ITGB3BP: variants seen among roughly 807,000 people sequenced by gnomAD.
ITGB3BP encodes centromere protein R.
ITGB3BP carries 27 observed loss-of-function variants against 29.1 expected under a neutral mutation model. That is an observed-to-expected ratio of 0.93 (90% CI 0.68 to 1.28). The LOEUF (loss-of-function observed/expected upper bound fraction) is 1.28, where lower values mean the gene tolerates loss of function less well. ITGB3BP is among the 50% of genes most tolerant of loss of function. ITGB3BP has a pLI of 0.00. For synonymous variants in ITGB3BP, 61 were observed against 61.4 expected (o/e 0.99, Z 0.03); for missense variants, 192 against 200.2 (o/e 0.96, Z 0.25).
At chr1:63,485,380 C>T (rs1645507375) in intron 3 of ITGB3BP, among the ~76,000 whole-genome samples, 1 of 151,842 alleles carries the variant, frequency 6.6e-6, no homozygotes, top group African/African-American at 2.4e-5. Flanking sequence ...TTATCTGTTG[C>T]CTCCTCACCT....
intron 4 of ITGB3BP, chr1:63,457,503 G>A (rs1431256278): frequency 6.6e-6 from 1 of 152,010 alleles, no homozygotes; most frequent in African/African-American, 2.4e-5. Context: ...ATATCATCTT[G>A]ATGTTCCTTT....
intron 3 of ITGB3BP, among the ~76,000 whole-genome samples, chr1:63,480,836 T>A (rs1293828122): frequency 1.3e-5 from 2 of 152,058 alleles, no homozygotes; most frequent in Admixed American, 1.3e-4. Context: ...TAGTAAAGAA[T>A]GTAAGGGGAA....
At chr1:63,527,270 A>G (rs1335336136), upstream of ITGB3BP, among the ~76,000 whole-genome samples, 1 of 152,204 alleles carries the variant, frequency 6.6e-6, no homozygotes, top group Non-Finnish European at 1.5e-5. Flanking sequence ...CTGGGAGGAT[A>G]ACTATACAGT....
chr1:63,504,940 G>A (rs1364020852), intron 2 of ITGB3BP, among the ~76,000 whole-genome samples: 12 of 152,038 alleles, frequency 7.9e-5, no homozygotes, highest in East Asian at 3.9e-4. Context: ...TTTTTGCATC[G>A]ATGTTCATCA....
chr1:63,490,553 A>G (rs1021616805), intron 2 of ITGB3BP, among the ~76,000 whole-genome samples: 4 of 152,180 alleles, frequency 2.6e-5, no homozygotes, highest in African/African-American at 9.6e-5. Flanking sequence ...AACTTGAAGT[A>G]TAATTATGGG....
At chr1:63,519,544 T>G (rs1646404765) in intron 1 of ITGB3BP, among the ~76,000 whole-genome samples, 1 of 152,038 alleles carries the variant, frequency 6.6e-6, no homozygotes, top group Non-Finnish European at 1.5e-5. Flanking sequence ...GCATTTAAAT[T>G]TCATATTTTT....
chr1:63,504,163 T>C (rs1161112728), intron 2 of ITGB3BP, among the ~76,000 whole-genome samples: 1 of 151,892 alleles, frequency 6.6e-6, no homozygotes, highest in Admixed American at 6.6e-5. Flanking sequence ...TGTTCTTCCA[T>C]TTCTTTGTAT....
chr1:63,522,947 T>C (rs779167997), intron 1 of ITGB3BP, 182 bp downstream of exon 1: 6 of 790,786 alleles, frequency 7.6e-6, no homozygotes, highest in South Asian at 1.3e-5. Context: ...GACTATCGTA[T>C]GAGTACCGCT....
intron 2 of ITGB3BP, among the ~76,000 whole-genome samples, chr1:63,491,794 A>C (rs1304401358): frequency 6.6e-6 from 1 of 152,068 alleles, no homozygotes; most frequent in Admixed American, 6.6e-5. Context: ...ATATCTTTTA[A>C]AAAATCAAAC....
intron 2 of ITGB3BP, among the ~76,000 whole-genome samples, chr1:63,501,697 A>T (rs1645934177): frequency 6.6e-6 from 1 of 152,002 alleles, no homozygotes; most frequent in Admixed American, 6.6e-5. Flanking sequence ...ACTAAAAAAA[A>T]AATAGATACA....
chr1:63,510,750 T>C (rs765761545), intron 1 of ITGB3BP, among the ~76,000 whole-genome samples: 5 of 151,994 alleles, frequency 3.3e-5, no homozygotes, highest in Non-Finnish European at 5.9e-5. Context: ...TAAATCTTTA[T>C]GGAATTGAGG....
chr1:63,516,349 G>GGGAAA (rs1553167564), intron 1 of ITGB3BP, among the ~76,000 whole-genome samples: 1 of 84,150 alleles, frequency 1.2e-5, no homozygotes, highest in Non-Finnish European at 2.4e-5. Flanking sequence ...AAGCGGAGCG[G>GGGAAA]GGGAAGGTGG....
chr1:63,446,892 ACAATT>A (rs3838450), intron 7 of ITGB3BP, 36 bp from the exon 8 acceptor site: 516,979 of 1,493,904 alleles, frequency 0.35, 93,165 homozygotes, highest in Admixed American at 0.48. Flanking sequence ...TTTTCAGAAA[ACAATT>A]CAAAGCAACT....
In ITGB3BP at chr1:63,497,674, G is replaced by A. The variant is rs114983031; in HGVS notation, c.49-7456C>T. ...GACAAGAGAAGGACAAATGCAGCTC[G>A]ATGTTTACTGATAGAAACTAAAGCT... is the stretch of plus-strand genomic sequence containing the variant. On this transcript the variant is annotated intron_variant, in intron 2 of 8. Coordinates refer to ENST00000271002, the MANE Select transcript of ITGB3BP (RefSeq NM_014288.5). 3.9e-3 allele frequency among the ~76,000 whole-genome samples: 588 copies of A among 152,252 alleles called. 3 individuals are homozygous for A. The highest frequency in any genetic ancestry group is 0.013 in the African/African-American group (539 of 41,560).
chr1:63,488,060 G>T (rs1404886905), intron 3 of ITGB3BP, among the ~76,000 whole-genome samples: 1 of 152,062 alleles, frequency 6.6e-6, no homozygotes, highest in Non-Finnish European at 1.5e-5. Flanking sequence ...GGCCAATGTA[G>T]AATCTAAGTA....
At chr1:63,505,852 A>T (rs1484850625) in intron 2 of ITGB3BP, among the ~76,000 whole-genome samples, 1 of 152,026 alleles carries the variant, frequency 6.6e-6, no homozygotes, top group Non-Finnish European at 1.5e-5. Context: ...CCTGAGTTCT[A>T]GTTTGATTGC....
intron 1 of ITGB3BP, among the ~76,000 whole-genome samples, chr1:63,517,493 G>A (rs1266573194): frequency 6.6e-6 from 1 of 151,840 alleles, no homozygotes; most frequent in African/African-American, 2.4e-5. Context: ...TAGAGGTCTT[G>A]CATGTCTTAT....
intron 3 of ITGB3BP, among the ~76,000 whole-genome samples, chr1:63,486,453 T>G (rs1316723516): frequency 6.6e-6 from 1 of 152,012 alleles, no homozygotes; most frequent in African/African-American, 2.4e-5. Flanking sequence ...AATTAATACA[T>G]ATTTCGTGTG....
chr1:63,482,851 G>A (rs1200413476), intron 3 of ITGB3BP, among the ~76,000 whole-genome samples: 2 of 151,794 alleles, frequency 1.3e-5, no homozygotes, highest in African/African-American at 4.8e-5. Context: ...ACTGGGTTTT[G>A]CCATGTTGGC....
Sources: allele counts gnomAD v4.1 joint callset (sites outside exome capture counted in the v4.1 genomes callset), GRCh38; gene constraint gnomAD v4.1.1; transcripts MANE v1.5; gene names NCBI Gene and HGNC (gene_info 2026-07-23, HGNC 2026-07-21).